Variants in CDKAL1 observed in about 807,000 individuals in gnomAD.
CDKAL1 encodes the protein threonylcarbamoyladenosine tRNA methylthiotransferase.
In CDKAL1, 32 loss-of-function variants were observed where a neutral mutation model predicts 68.2. That is an observed-to-expected ratio of 0.47 (90% confidence interval 0.35 to 0.63). The LOEUF is 0.63. CDKAL1 is among the 30% of genes least tolerant of loss of function. The probability of loss-of-function intolerance (pLI) is 0.00; values close to 1 mark genes in which losing one functional copy is unlikely to be tolerated. For synonymous variants in CDKAL1, 234 were observed against 244.3 expected, an observed-to-expected ratio of 0.96 and a Z score of 0.39; for missense variants, 606 against 696.7, an observed-to-expected ratio of 0.87 and a Z score of 1.47.
At chr6:21,052,885 C>T (rs991303227) in intron 11 of CDKAL1, among the ~76,000 whole-genome samples, 1 of 152,136 alleles carries the variant, frequency 6.6e-6, no homozygotes, top group Non-Finnish European at 1.5e-5. Context: ...TTGAGTCTCA[C>T]ATAGTAAGTG....
At chr6:21,206,568 A>G (rs1208530527) in intron 15 of CDKAL1, among the ~76,000 whole-genome samples, 1 of 152,194 alleles carries the variant, frequency 6.6e-6, no homozygotes, top group African/African-American at 2.4e-5. Context: ...CTAATTTTAA[A>G]CTTATGAATA....
chr6:20,961,374 G>C (rs1421768567), intron 10 of CDKAL1, among the ~76,000 whole-genome samples: 1 of 152,200 alleles, frequency 6.6e-6, no homozygotes, highest in African/African-American at 2.4e-5. Flanking sequence ...TCACTTATAA[G>C]TGGGAGCTAA....
At chr6:21,045,083 T>A (rs184606558) in intron 11 of CDKAL1, among the ~76,000 whole-genome samples, 5 of 152,308 alleles carry the variant, frequency 3.3e-5, no homozygotes, top group African/African-American at 1.2e-4. Context: ...ATTAATACTA[T>A]AGCATTGCGG....
At chr6:20,670,620 T>C (rs1372332568) in intron 5 of CDKAL1, among the ~76,000 whole-genome samples, 1 of 152,216 alleles carries the variant, frequency 6.6e-6, no homozygotes. Flanking sequence ...GGAATTTCAC[T>C]GTAAGGAAGA....
intron 10 of CDKAL1, among the ~76,000 whole-genome samples, chr6:20,961,886 T>A (rs1481714507): frequency 1.3e-5 from 2 of 152,192 alleles, no homozygotes; most frequent in African/African-American, 4.8e-5. Flanking sequence ...ATAACAAGCC[T>A]GCACATGTAC....
chr6:20,700,039 C>T (rs189184537), intron 5 of CDKAL1, among the ~76,000 whole-genome samples: 9 of 151,176 alleles, frequency 6.0e-5, no homozygotes, highest in South Asian at 2.1e-4. Context: ...TGTGGAGGTC[C>T]GGCTTTTGGA....
At chr6:20,636,992 G>A (rs1413574108) in intron 4 of CDKAL1, among the ~76,000 whole-genome samples, 1 of 147,170 alleles carries the variant, frequency 6.8e-6, no homozygotes, top group Non-Finnish European at 1.5e-5. Flanking sequence ...AGCGGAAATC[G>A]CACCACTGCA....
intron 5 of CDKAL1, among the ~76,000 whole-genome samples, chr6:20,651,050 T>G (rs1284232290): frequency 6.6e-6 from 1 of 152,148 alleles, no homozygotes; most frequent in Non-Finnish European, 1.5e-5. Flanking sequence ...CTTTTTTGGT[T>G]TCATATGAAT....
At chr6:20,909,784 G>A (rs921790918) in intron 9 of CDKAL1, among the ~76,000 whole-genome samples, 1 of 152,126 alleles carries the variant, frequency 6.6e-6, no homozygotes, top group African/African-American at 2.4e-5. Flanking sequence ...GCCTCAGGTA[G>A]TGTTAAAGAA....
chr6:20,646,555 T>A (rs559265544), intron 4 of CDKAL1, among the ~76,000 whole-genome samples: 1 of 152,164 alleles, frequency 6.6e-6, no homozygotes, highest in Non-Finnish European at 1.5e-5. Context: ...CCCTTTATTT[T>A]GAAACCAATG....
intron 5 of CDKAL1, among the ~76,000 whole-genome samples, chr6:20,679,971 T>G (rs943233367): frequency 6.6e-6 from 1 of 151,952 alleles, no homozygotes; most frequent in South Asian, 2.1e-4. Flanking sequence ...TATTTCTTTT[T>G]TAAAATTTTT....
At chr6:20,704,412 G>A (rs913911295) in intron 5 of CDKAL1, among the ~76,000 whole-genome samples, 15 of 152,080 alleles carry the variant, frequency 9.9e-5, no homozygotes, top group African/African-American at 3.6e-4. Context: ...ATGAAATAAG[G>A]TAATGAGTAA....
At chr6:20,909,750 C>CA (rs1762384427) in intron 9 of CDKAL1, among the ~76,000 whole-genome samples, 2 of 152,088 alleles carry the variant, frequency 1.3e-5, no homozygotes, top group African/African-American at 4.8e-5. Flanking sequence ...AATGCAGAGG[C>CA]AGAGGGAGCA....
At chr6:21,031,907 G>A (rs1397239113) in intron 11 of CDKAL1, among the ~76,000 whole-genome samples, 1 of 152,018 alleles carries the variant, frequency 6.6e-6, no homozygotes, top group African/African-American at 2.4e-5. Context: ...GTTTGCTGAG[G>A]ACCATCCTGG....
chr6:20,959,633 T>C (rs1335051424), intron 10 of CDKAL1, among the ~76,000 whole-genome samples: 1 of 152,110 alleles, frequency 6.6e-6, no homozygotes, highest in African/African-American at 2.4e-5. Context: ...TGACAGTTGG[T>C]AGTAATGTGT....
intron 12 of CDKAL1, among the ~76,000 whole-genome samples, chr6:21,093,704 T>C (rs991580482): frequency 1.4e-4 from 1 of 7,336 alleles, no homozygotes; most frequent in Non-Finnish European, 2.3e-4. Context: ...CTTTTTTTTT[T>C]TTTTTTTTTT....
At chr6:20,627,561 A>T (rs1039889173) in intron 4 of CDKAL1, among the ~76,000 whole-genome samples, 3 of 152,148 alleles carry the variant, frequency 2.0e-5, no homozygotes, top group Non-Finnish European at 2.9e-5. Context: ...TGTTTTGGCT[A>T]TTTTAAGGAC....
At chr6:21,212,222 G>A (rs970770007) in intron 15 of CDKAL1, among the ~76,000 whole-genome samples, 5 of 152,142 alleles carry the variant, frequency 3.3e-5, no homozygotes, top group Admixed American at 6.5e-5. Flanking sequence ...GGCTCTCGGC[G>A]ATATGCAGGG....
chr6:20,684,779 A>C (rs1010039361), intron 5 of CDKAL1, among the ~76,000 whole-genome samples: 1 of 152,188 alleles, frequency 6.6e-6, no homozygotes, highest in Non-Finnish European at 1.5e-5. Context: ...GATGTGGAGC[A>C]TATTTTTATA....
Sources: allele counts gnomAD v4.1 joint callset (sites outside exome capture counted in the v4.1 genomes callset), GRCh38; gene constraint gnomAD v4.1.1; transcripts MANE v1.5; gene names NCBI Gene and HGNC (gene_info 2026-07-23, HGNC 2026-07-21).